LANCL2: variants seen among roughly 807,000 people sequenced by gnomAD.
LANCL2 encodes the protein lanC-like protein 2.
A neutral mutation model predicts 56.9 loss-of-function variants in LANCL2; 33 were observed. That is an observed-to-expected ratio of 0.58 (90% CI 0.44 to 0.78). LANCL2 has a LOEUF of 0.78. Ranked by LOEUF, LANCL2 falls within the 30% of genes least tolerant of loss-of-function variation. The probability of loss-of-function intolerance (pLI) is 0.00; values close to 1 mark genes in which losing one functional copy is unlikely to be tolerated. For missense variants in LANCL2, 562 were observed against 580.2 expected, an observed-to-expected ratio of 0.97 and a Z score of 0.32; for synonymous variants, 233 against 228.2, an observed-to-expected ratio of 1.02 and a Z score of -0.19.
At chr7:55,370,799 A>C (rs7777403) in intron 1 of LANCL2, among the ~76,000 whole-genome samples, 1 of 152,170 alleles carries the variant, frequency 6.6e-6, no homozygotes, top group Admixed American at 6.5e-5. Flanking sequence ...TGACTGGAGA[A>C]GAGGGAGCGT....
intron 1 of LANCL2, among the ~76,000 whole-genome samples, chr7:55,388,438 TG>T (rs1479361980): frequency 1.2e-4 from 19 of 152,036 alleles, no homozygotes; most frequent in Non-Finnish European, 4.4e-5. Context: ...CCCAGCTACT[TG>T]GGAGGCTGAG....
At chr7:55,419,400 C>CTTTTTTTTTTTTTTTTTT (rs1156534780) in intron 6 of LANCL2, among the ~76,000 whole-genome samples, 1 of 109,098 alleles carries the variant, frequency 9.2e-6, no homozygotes, top group Non-Finnish European at 1.9e-5. Context: ...TGTTCTTTTC[C>CTTTTTTTTTTTTTTTTTT]TTTTTTTTTT....
At position 55,366,151 on chromosome 7, in the gene LANCL2, A is replaced by G. The variant is rs1422674126; in HGVS notation, c.126A>G (p.Gly42=). Residue 42 remains glycine, a synonymous_variant, in exon 1 of 9, where the codon GGA becomes GGG. Transcript: ENST00000254770. The part of the protein sequence containing the change: ...EAAAGALLAS[G]AAEETGCVRP... ...CCGCCGGGGCGCTGCTCGCCTCCGG[A>G]GCGGCCGAAGAGACAGGCTGTGTTC... 29 of 1,551,872 alleles carry G rather than the reference A, an allele frequency of 1.9e-5. No individual in the cohort carries two copies. The highest frequency in any genetic ancestry group is 2.5e-5 in the Non-Finnish European group (29 of 1,146,662).
chr7:55,403,098 T>G (rs1583756130), intron 5 of LANCL2, among the ~76,000 whole-genome samples: 1 of 150,638 alleles, frequency 6.6e-6, no homozygotes, highest in Non-Finnish European at 1.5e-5. Context: ...AGCTGGGAGG[T>G]GGAGGTTGTA....
At chr7:55,392,550 T>TGC (rs2128992930) in intron 2 of LANCL2, among the ~76,000 whole-genome samples, 1 of 64,580 alleles carries the variant, frequency 1.5e-5, no homozygotes, top group African/African-American at 7.2e-5. Flanking sequence ...GGAGTCTCAC[T>TGC]GTTGCTGAGG....
intron 1 of LANCL2, among the ~76,000 whole-genome samples, chr7:55,368,417 A>G (rs1411874066): frequency 6.6e-6 from 1 of 152,198 alleles, no homozygotes; most frequent in Non-Finnish European, 1.5e-5. Flanking sequence ...AGAAATGGAC[A>G]TCATATTATT....
intron 8 of LANCL2, 32 bp from the exon 9 acceptor site, chr7:55,431,194 A>G (rs1385684029): frequency 3.9e-6 from 6 of 1,527,408 alleles, no homozygotes; most frequent in Non-Finnish European, 4.5e-6. Flanking sequence ...CCCTTATGCC[A>G]TTCCTAAGAG....
At chr7:55,387,357 G>C (rs546963275) in intron 1 of LANCL2, among the ~76,000 whole-genome samples, 1 of 152,140 alleles carries the variant, frequency 6.6e-6, no homozygotes, top group African/African-American at 2.4e-5. Flanking sequence ...AAAAAGAAAC[G>C]TTTTAGCACT....
At chr7:55,388,881 T>C (rs1249869154) in intron 1 of LANCL2, among the ~76,000 whole-genome samples, 2 of 152,124 alleles carry the variant, frequency 1.3e-5, no homozygotes. Flanking sequence ...GTGGGGCTTT[T>C]CCCGTTTATC....
chr7:55,416,377 C>T (rs940260429), intron 6 of LANCL2, among the ~76,000 whole-genome samples: 1 of 152,150 alleles, frequency 6.6e-6, no homozygotes, highest in Non-Finnish European at 1.5e-5. Flanking sequence ...CCTCGACCTT[C>T]AGGGCTCAGG....
At chr7:55,397,362 G>T (rs1790265665) in intron 2 of LANCL2, 1 of 151,402 alleles carries the variant, frequency 6.6e-6, no homozygotes, top group African/African-American at 2.4e-5. Flanking sequence ...TCAGGAGGCT[G>T]AGGCAGGAGA....
At position 55,428,437 on chromosome 7, in the gene LANCL2, G is replaced by A. The variant is rs144670286; in HGVS notation, c.1248G>A (p.Ser416=). The A allele has an allele frequency of 1.2e-4, 201 of 1,613,642 alleles. No individual in the cohort carries two copies. In the African/African-American group the frequency reaches 2.1e-3, roughly 17 times the overall value. The change falls in exon 8 of 9, where the codon TCG becomes TCA. Residue 416 remains serine, a synonymous_variant. Transcript: ENST00000254770. ...GCCGCATTCCTGACAGACCCTATTC[G>A]CTCTTTGAAGGTAAGAGTGAGAAAA... ...HGCRIPDRPY[S]LFEGMAGAIH... is the part of the protein sequence containing the mutation.
At chr7:55,367,496 G>A (rs962867253) in intron 1 of LANCL2, among the ~76,000 whole-genome samples, 1 of 152,232 alleles carries the variant, frequency 6.6e-6, no homozygotes, top group Non-Finnish European at 1.5e-5. Context: ...AGGCCGAAGC[G>A]GGCTGATTGC....
chr7:55,399,907 A>G (rs1790300896), intron 3 of LANCL2, 50 bp from the exon 4 acceptor site: 1 of 1,499,656 alleles, frequency 6.7e-7, no homozygotes, highest in Non-Finnish European at 9.2e-7. Flanking sequence ...TTTCAGGAAG[A>G]AGTACTTTAG....
intron 6 of LANCL2, among the ~76,000 whole-genome samples, chr7:55,420,600 G>A (rs898195264): frequency 8.5e-5 from 13 of 152,320 alleles, no homozygotes; most frequent in Admixed American, 7.2e-4. Context: ...AGAGGTCAGC[G>A]AACTTCCTGT....
chr7:55,375,760 G>A (rs1159577651), intron 1 of LANCL2, among the ~76,000 whole-genome samples: 1 of 152,170 alleles, frequency 6.6e-6, no homozygotes, highest in Non-Finnish European at 1.5e-5. Context: ...TCTCCTGGAG[G>A]CCCTGAGGGT....
chr7:55,408,875 G>A (rs6975233), intron 5 of LANCL2, among the ~76,000 whole-genome samples: 93,592 of 148,458 alleles, frequency 0.63, 30,049 homozygotes, highest in Admixed American at 0.71. Flanking sequence ...CCAGCTACTC[G>A]GGAGGCTGAG....
chr7:55,390,833 A>G (rs1014303081), intron 1 of LANCL2, among the ~76,000 whole-genome samples: 1 of 151,930 alleles, frequency 6.6e-6, no homozygotes, highest in African/African-American at 2.4e-5. Flanking sequence ...GTTAAGCTAC[A>G]TTATTTAAGA....
Position 55,398,509 on chromosome 7 carries a change from C to A in LANCL2, c.409C>A (p.Leu137Ile), listed in dbSNP as rs775027348. 3 of 1,614,070 alleles carry A rather than the reference C, an allele frequency of 1.9e-6. No individual in the cohort carries two copies. Among genetic ancestry groups the A allele is most frequent in the Non-Finnish European group, 2.5e-6 (3 of 1,180,028 alleles). Residue 137 changes from leucine (L) to isoleucine (I), a missense_variant, in exon 3 of 9, where the codon CTT becomes ATT. Physicochemically the swap from Leu to Ile is conservative, Grantham distance 5. This residue lies in a region of LANCL2 where 378 missense variants were observed against 468.4 expected (regional missense o/e 0.81). Coordinates refer to ENST00000254770, the MANE Select transcript of LANCL2 (RefSeq NM_018697.4). ...ATCCCTGGATTACGTAAAAAGAACA[C>A]TTCGGAATCTGAATGGCCGCAGGGT... ...LRSLDYVKRT[L>I]RNLNGRRVTF...
Sources: gnomAD v4.1 joint callset for allele counts (sites outside exome capture counted in the v4.1 genomes callset) on GRCh38, gnomAD v4.1.1 for gene constraint, gnomAD v4.1.1 regional missense constraint, MANE v1.5 for transcripts, NCBI Gene and HGNC (gene_info 2026-07-23, HGNC 2026-07-21) for gene names.